TTLL4: variants seen among roughly 807,000 people sequenced by gnomAD.
The protein encoded by TTLL4 is tubulin tyrosine ligase like 4.
TTLL4 carries 85 observed loss-of-function variants against 122.7 expected under a neutral mutation model. The observed-to-expected ratio is 0.69, with a 90% CI of 0.58 to 0.83. TTLL4 has a LOEUF of 0.83. Ranked by LOEUF, TTLL4 falls within the 40% of genes least tolerant of loss-of-function variation. The pLI, the probability that TTLL4 is intolerant of heterozygous loss-of-function variation, is 0.00. For synonymous variants in TTLL4, 553 were observed against 563.0 expected (o/e 0.98, Z 0.25); for missense variants, 1,363 against 1,488.6 (o/e 0.92, Z 1.39).
chr2:218,735,216 A>G (rs997316129), intron 2 of TTLL4, among the ~76,000 whole-genome samples: 10 of 152,130 alleles, frequency 6.6e-5, no homozygotes, highest in African/African-American at 2.4e-4. Flanking sequence ...TAATCAGAAT[A>G]CAAGGTACTC....
At chr2:218,741,833 G>A (rs1465860582) in intron 5 of TTLL4, among the ~76,000 whole-genome samples, 1 of 152,084 alleles carries the variant, frequency 6.6e-6, no homozygotes, top group Non-Finnish European at 1.5e-5. Flanking sequence ...TAGCCTTCCT[G>A]ATATATAAGA....
At chr2:218,736,465 G>C (rs1278496863) in intron 2 of TTLL4, 1 of 152,236 alleles carries the variant, frequency 6.6e-6, no homozygotes, top group African/African-American at 2.4e-5. Context: ...AGATGCAAAA[G>C]AGACAGGCTC....
intron 1 of TTLL4, among the ~76,000 whole-genome samples, chr2:218,712,749 A>C (rs1244958885): frequency 6.6e-6 from 1 of 152,098 alleles, no homozygotes; most frequent in East Asian, 1.9e-4. Context: ...TGTGTGGCAA[A>C]TCCCTCACAC....
Position 218,737,744 on chromosome 2 carries a change from G to T in TTLL4, c.68G>T (p.Gly23Val), listed in dbSNP as rs1474130943. The change falls in exon 3 of 20, where the codon GGT becomes GTT. Residue 23 changes from glycine (G) to valine (V), a missense_variant. This residue lies in a region of TTLL4 where 760 missense variants were observed against 808.4 expected (regional missense o/e 0.94). Transcript: ENST00000392102. ...LRQKNSFKQS[G>V]PSGTVPATPP... ...CAGAAAAACAGCTTCAAGCAGAGTG[G>T]TCCCTCAGGCACAGTACCTGCCACG... is the stretch of plus-strand genomic sequence containing the variant. The T allele has an allele frequency of 6.2e-7, 1 of 1,614,118 alleles. No homozygotes were observed. The highest frequency in any genetic ancestry group is 1.7e-5 in the Admixed American group (1 of 60,018).
At position 218,732,639 on chromosome 2, in the gene TTLL4, C is replaced by CA. The variant is rs552244581; in HGVS notation, c.-98-4939dup. Among the ~76,000 whole-genome samples, 669 of 152,332 alleles carry CA rather than the reference C, an allele frequency of 4.4e-3. 5 individuals carry two copies. Among genetic ancestry groups the CA allele is most frequent in the African/African-American group, 0.015 (630 of 41,578 alleles). On this transcript the variant is annotated intron_variant, in intron 2 of 19. Coordinates refer to ENST00000392102, the MANE Select transcript of TTLL4 (RefSeq NM_014640.5). ...ATGTTAGCTTTTAAAACAAGGTTCTCACTTCCTTCACTTCTTAGATTTTGG... is the reference window on the plus strand; with the variant it reads ...ATGTTAGCTTTTAAAACAAGGTTCTCAACTTCCTTCACTTCTTAGATTTTGG...
intron 1 of TTLL4, among the ~76,000 whole-genome samples, chr2:218,716,275 A>C (rs1455278373): frequency 6.6e-6 from 1 of 152,246 alleles, no homozygotes; most frequent in Non-Finnish European, 1.5e-5. Flanking sequence ...TTTGCCAAAT[A>C]ATGACGTCGG....
At chr2:218,758,672 CAAACTT>C (rs1408268731), downstream of TTLL4, among the ~76,000 whole-genome samples, 1 of 152,128 alleles carries the variant, frequency 6.6e-6, no homozygotes, top group Non-Finnish European at 1.5e-5. Flanking sequence ...TAAAGTGGCT[CAAACTT>C]AAAAGATTGA....
At chr2:218,745,321 AG>A in intron 6 of TTLL4, 88 bp downstream of exon 6, 6 of 1,564,778 alleles carry the variant, frequency 3.8e-6, no homozygotes, top group Middle Eastern at 1.7e-4. Flanking sequence ...TAGGTAGGAG[AG>A]GGTTTCCAGA....
At chr2:218,728,991 G>A (rs1942277050) in intron 2 of TTLL4, among the ~76,000 whole-genome samples, 2 of 147,126 alleles carry the variant, frequency 1.4e-5, no homozygotes, top group Admixed American at 6.9e-5. Flanking sequence ...GGAATGCAAT[G>A]GCATGATCTC....
At chr2:218,754,012 G>A (rs1943095440) in intron 19 of TTLL4, 122 bp from the exon 20 acceptor site, 2 of 1,371,666 alleles carry the variant, frequency 1.5e-6, no homozygotes. Context: ...ACATTTCCAT[G>A]TAATTTTGGC....
Position 218,748,961 on chromosome 2 carries a change from G to C in TTLL4, c.2600+27G>C, listed in dbSNP as rs200131956. Reference sequence around the variant, plus strand: ...TGAGTCACATTGCCAACCTGGATGTGGGGCCTGCTGCTGACCCCCTCCTTT... The same window carrying C: ...TGAGTCACATTGCCAACCTGGATGTCGGGCCTGCTGCTGACCCCCTCCTTT... On this transcript the variant is annotated intron_variant, in intron 13 of 19. Transcript: ENST00000392102. The C allele has an allele frequency of 8.7e-6, 14 of 1,607,930 alleles. 1 individual carries two copies. In the East Asian group the frequency reaches 1.8e-4, roughly 21 times the overall value.
chr2:218,747,501 T>C lies in TTLL4; in HGVS notation c.2250-96T>C. ...CCTTAGCCAACTGTTCTAAGGTCTT[T>C]ATCTTGGGGACTGTTAGCTGGCTTT... On this transcript the variant is annotated intron_variant, in intron 10 of 19. Coordinates refer to ENST00000392102, the MANE Select transcript of TTLL4 (RefSeq NM_014640.5). This position sits in a 1 kb window ranked among gnomAD's most constrained non-coding sequence, Gnocchi z 4.7. 6.3e-7 allele frequency: 1 copy of C among 1,576,362 alleles called. No homozygotes were observed. The highest frequency in any genetic ancestry group is 8.6e-7 in the Non-Finnish European group (1 of 1,158,434).
At chr2:218,722,811 T>TG (rs1942084129) in intron 1 of TTLL4, among the ~76,000 whole-genome samples, 1 of 152,142 alleles carries the variant, frequency 6.6e-6, no homozygotes, top group East Asian at 1.9e-4. Context: ...ACAGTGGAAA[T>TG]GGGGAAGAAT....
At chr2:218,745,368 TC>T in intron 6 of TTLL4, 135 bp downstream of exon 6, 1 of 1,220,748 alleles carries the variant, frequency 8.2e-7, no homozygotes, top group Non-Finnish European at 1.2e-6. Flanking sequence ...TGTGCTCAGT[TC>T]CCCATGTGGT....
Position 218,738,540 on chromosome 2 carries a change from TA to T in TTLL4, c.865del (p.Thr289ProfsTer22). On this transcript the variant is annotated frameshift_variant, in exon 3 of 20. Transcript: ENST00000392102. LOFTEE classifies it high-confidence loss of function. ...ADASAHIALSTASSHDTSTTS... is the reference protein window; with the variant it reads ...ADASAHIALSXASSHDTSTTS... ...ATGCCAGTGCCCATATCGCCTTGTC[TA>T]CCGCTAGCTCCCACGACACATCCAC... The T allele has an allele frequency of 6.2e-7, 1 of 1,614,194 alleles. No individual in the cohort carries two copies. The highest frequency in any genetic ancestry group is 8.5e-7 in the Non-Finnish European group (1 of 1,180,026).
At chr2:218,720,543 G>A (rs1575159260) in intron 1 of TTLL4, among the ~76,000 whole-genome samples, 2 of 151,966 alleles carry the variant, frequency 1.3e-5, no homozygotes, top group African/African-American at 4.8e-5. Context: ...GCACGATGGC[G>A]GGTGCCTGTA....
rs1410289296 is a variant in TTLL4 at position 218,754,449 on chromosome 2, C to G, written c.*60C>G. 1.2e-5 allele frequency: 20 copies of G among 1,601,992 alleles called. No homozygotes were observed. Among genetic ancestry groups the G allele is most frequent in the Non-Finnish European group, 1.5e-5 (18 of 1,174,234 alleles). On this transcript the variant is annotated 3_prime_UTR_variant, in exon 20 of 20. Coordinates refer to ENST00000392102, the MANE Select transcript of TTLL4 (RefSeq NM_014640.5). ...TGGGCATCAGCTACCTCACGGGAAC[C>G]AGCCTGCTGTTCAGACCAGTCTGAC...
At chr2:218,748,582 G>T in intron 12 of TTLL4, 1 of 453,618 alleles carries the variant, frequency 2.2e-6, no homozygotes. Context: ...TTGAACCTGG[G>T]GGACGGAGGT....
intron 13 of TTLL4, 88 bp from the exon 14 acceptor site, chr2:218,749,165 A>C: frequency 1.3e-6 from 2 of 1,557,982 alleles, no homozygotes; most frequent in Non-Finnish European, 1.7e-6. Context: ...CTGCCTGCCT[A>C]TCTCTGGGCC....
Sources: allele counts gnomAD v4.1 joint callset (sites outside exome capture counted in the v4.1 genomes callset), GRCh38; gene constraint gnomAD v4.1.1; regional missense constraint gnomAD v4.1.1; non-coding constraint Gnocchi (gnomAD v3.1); transcripts MANE v1.5; gene names NCBI Gene and HGNC (gene_info 2026-07-23, HGNC 2026-07-21).